The following MIB2 variants were observed in gnomAD, a reference collection of about 807,000 sequenced individuals.
The protein encoded by MIB2 is E3 ubiquitin-protein ligase MIB2.
In MIB2, 78 loss-of-function variants were observed where a neutral mutation model predicts 96.6. That is an observed-to-expected ratio of 0.81 (90% CI 0.67 to 0.97). The LOEUF (loss-of-function observed/expected upper bound fraction) is 0.97, where lower values mean the gene tolerates loss of function less well. Ranked by LOEUF, MIB2 falls within the 50% of genes least tolerant of loss-of-function variation. The pLI, the probability that MIB2 is intolerant of heterozygous loss-of-function variation, is 0.00. For missense variants in MIB2, 1,543 were observed against 1,424.0 expected (o/e 1.08, Z -1.35); for synonymous variants, 820 against 629.5 (o/e 1.30, Z -4.53).
rs1247084633 is a variant in MIB2, at chr1:1,615,568, G to C, written c.-195G>C. ...CCCGGTGGCCCAGGAGGGCCTGGGAGCCCGAAGCCGTCCCCGAGTCGCTCC... is the reference window on the plus strand; with the variant it reads ...CCCGGTGGCCCAGGAGGGCCTGGGACCCCGAAGCCGTCCCCGAGTCGCTCC... On this transcript the variant is annotated 5_prime_UTR_variant, in exon 1 of 20. Coordinates refer to ENST00000355826, the MANE Select transcript of MIB2 (RefSeq NM_001170687.4). 1 of 1,540,010 alleles carries C rather than the reference G, an allele frequency of 6.5e-7. No homozygotes were observed.
intron 12 of MIB2, 33 bp from the exon 13 acceptor site, chr1:1,627,640 G>A (rs1644930025): frequency 6.4e-7 from 1 of 1,574,368 alleles, no homozygotes; most frequent in Non-Finnish European, 8.6e-7. Flanking sequence ...ACCGGGCCCG[G>A]CGCCCTCCCT....
chr1:1,629,724 C>A lies in MIB2; in HGVS notation c.2629+20C>A, dbSNP rs770612075. ...GCCCAGGTGGGTGAGGCTCTGCGCC[C>A]CCAACACGCCTCCTGCTCAGCTGGT... is the stretch of plus-strand genomic sequence containing the variant. On this transcript the variant is annotated intron_variant, in intron 19 of 19. Transcript: ENST00000355826. 1 of 1,567,622 alleles carries A rather than the reference C, an allele frequency of 6.4e-7. No individual in the cohort carries two copies. The highest frequency in any genetic ancestry group is 1.2e-5 in the South Asian group (1 of 84,132).
In MIB2 at chr1:1,629,546, A is replaced by G. The variant is rs1342094314; in HGVS notation, c.2543A>G (p.Gln848Arg). The G allele has an allele frequency of 6.4e-7, 1 of 1,551,526 alleles. No homozygotes were observed. Among genetic ancestry groups the G allele is most frequent in the Non-Finnish European group, 8.7e-7 (1 of 1,152,030 alleles). Reference sequence around the variant, plus strand: ...CTGCTGGTGCTGTTCTCGCCGTGCCAGCACCGCACCGTGTGTGAGGGTGAG... The same window carrying G: ...CTGCTGGTGCTGTTCTCGCCGTGCCGGCACCGCACCGTGTGTGAGGGTGAG... ...LALLVLFSPC[Q>R]HRTVCEECAR... Residue 848 changes from glutamine to arginine, a missense_variant, in exon 18 of 20, where the codon CAG becomes CGG. Gln to Arg is a conservative substitution (Grantham distance 43, BLOSUM62 1). Coordinates refer to ENST00000355826, the MANE Select transcript of MIB2 (RefSeq NM_001170687.4).
Position 1,627,844 on chromosome 1 carries a change from C to T in MIB2, c.1680+15C>T. Reference sequence around the variant, plus strand: ...TCAACCTGCCCGTGAGTGCTGCTCCCTGGCCTGGGTGCCCCCTGCCCGTGA... The same window carrying T: ...TCAACCTGCCCGTGAGTGCTGCTCCTTGGCCTGGGTGCCCCCTGCCCGTGA... On this transcript the variant is annotated intron_variant, in intron 13 of 19. Coordinates refer to ENST00000355826, the MANE Select transcript of MIB2 (RefSeq NM_001170687.4). 1 of 1,591,372 alleles carries T rather than the reference C, an allele frequency of 6.3e-7. No individual in the cohort carries two copies. Among genetic ancestry groups the T allele is most frequent in the African/African-American group, 1.4e-5 (1 of 69,626 alleles).
At position 1,628,698 on chromosome 1, in the gene MIB2, A is replaced by G; in HGVS notation, c.2178A>G (p.Pro726=). 1 of 1,559,218 alleles carries G rather than the reference A, an allele frequency of 6.4e-7. No homozygotes were observed. Among genetic ancestry groups the G allele is most frequent in the Non-Finnish European group, 8.7e-7 (1 of 1,153,090 alleles). The change falls in exon 16 of 20, where the codon CCA becomes CCG. Residue 726 remains proline (P), a synonymous_variant. Coordinates refer to ENST00000355826, the MANE Select transcript of MIB2 (RefSeq NM_001170687.4). ...TGGCTGATGGGGCCGGGGGGGACCC[A>G]GGGCCCTTGCAGCTGCTGTCCAGGG... ...PLVADGAGGD[P]GPLQLLSRLQ...
chr1:1,628,657 C>T lies in MIB2; in HGVS notation c.2137C>T (p.Gln713Ter). 3 of 1,589,048 alleles carry T rather than the reference C, an allele frequency of 1.9e-6. No individual in the cohort carries two copies. The highest frequency in any genetic ancestry group is 2.6e-6 in the Non-Finnish European group (3 of 1,170,752). ...CCTGCACGTGGCGCTGCAGCGTCATCAGCTGCTGCCCCTGGTGGCTGATGG... is the reference window on the plus strand; with the variant it reads ...CCTGCACGTGGCGCTGCAGCGTCATTAGCTGCTGCCCCTGGTGGCTGATGG... ...TALHVALQRHQLLPLVADGAG... is the reference protein window; with the variant it reads ...TALHVALQRH Residue 713 changes from glutamine (Q) to a stop codon, truncating the protein, a stop_gained, in exon 16 of 20, where the codon CAG becomes TAG. Transcript: ENST00000355826. LOFTEE classifies it high-confidence loss of function.
chr1:1,630,470 G>C lies in MIB2; in HGVS notation c.2808G>C (p.Ala936=), dbSNP rs371096916. Residue 936 remains alanine, a synonymous_variant, in exon 20 of 20, where the codon GCG becomes GCC. Coordinates refer to ENST00000355826, the MANE Select transcript of MIB2 (RefSeq NM_001170687.4). ...GHGACAPCGS[A]LSACPICRQP... is the part of the protein sequence containing the mutation. Reference sequence around the variant, plus strand: ...GCGCATGCGCCCCCTGCGGCTCCGCGCTCAGCGCCTGCCCCATCTGCCGCC... The same window carrying C: ...GCGCATGCGCCCCCTGCGGCTCCGCCCTCAGCGCCTGCCCCATCTGCCGCC... The C allele has an allele frequency of 6.3e-7, 1 of 1,593,800 alleles. No individual in the cohort carries two copies. Among genetic ancestry groups the C allele is most frequent in the Admixed American group, 1.7e-5 (1 of 58,780 alleles).
chr1:1,629,595 C>T (rs1362427767), intron 18 of MIB2, 29 bp downstream of exon 18: 2 of 1,564,862 alleles, frequency 1.3e-6, no homozygotes, highest in East Asian at 2.4e-5. Context: ...GGTGGGGAGG[C>T]CCGGCTAGTA....
chr1:1,615,660 C>G, intron 1 of MIB2, 27 bp downstream of exon 1: 1 of 1,561,314 alleles, frequency 6.4e-7, no homozygotes, highest in South Asian at 1.2e-5. Flanking sequence ...ATCTCCTCCC[C>G]TGGTCCTCCG....
chr1:1,616,383 C>T (rs1643681690), intron 1 of MIB2, 125 bp from the exon 2 acceptor site: 18 of 707,134 alleles, frequency 2.5e-5, no homozygotes, highest in South Asian at 6.5e-5. Context: ...AGGCGGCGGC[C>T]CTGAGTGTCG....
chr1:1,626,977 C>T lies in MIB2; in HGVS notation c.1218C>T (p.Ala406=), dbSNP rs374415093. Reference sequence around the variant, plus strand: ...AGGAGGATGCCAACCTGGACGTGGCCGAGCGCGCCCGGGAGAACAAAAGTG... The same window carrying T: ...AGGAGGATGCCAACCTGGACGTGGCTGAGCGCGCCCGGGAGAACAAAAGTG... The part of the protein sequence containing the change: ...RPEEDANLDV[A]ERARENKSSL... Residue 406 remains alanine (A), a synonymous_variant, in exon 10 of 20, where the codon GCC becomes GCT. Transcript: ENST00000355826. The surrounding 1 kb of genome is among the most constrained non-coding windows in gnomAD (Gnocchi z 5.3). 7.8e-4 allele frequency: 1,261 copies of T among 1,611,368 alleles called. 2 individuals are homozygous for T. The highest frequency in any genetic ancestry group is 9.3e-4 in the Non-Finnish European group (1,097 of 1,179,406).
intron 1 of MIB2, chr1:1,616,256 G>A (rs1420065005): frequency 4.9e-6 from 2 of 405,904 alleles, no homozygotes; most frequent in African/African-American, 2.1e-5. Flanking sequence ...GCGCCCGTGC[G>A]CGTCCCGGAG....
chr1:1,630,552 G>C lies in MIB2; in HGVS notation c.*22G>C, dbSNP rs761808678. 12 of 1,529,298 alleles carry C rather than the reference G, an allele frequency of 7.8e-6. No individual in the cohort carries two copies. Among genetic ancestry groups the C allele is most frequent in the Non-Finnish European group, 1.1e-5 (12 of 1,142,564 alleles). 94.7% of individuals were successfully genotyped at this position (1,529,298 alleles called of 1,614,324 possible). A position where few individuals can be genotyped will look rare whatever the true frequency, so the allele number is the denominator to read the frequency against. On this transcript the variant is annotated 3_prime_UTR_variant, in exon 20 of 20. Transcript: ENST00000355826. ...GTGAGCCGCGCCGTCCGCCGCGCCCGAGCTGCCTTCGCGTGCCCCCGCCCT... is the reference window on the plus strand; with the variant it reads ...GTGAGCCGCGCCGTCCGCCGCGCCCCAGCTGCCTTCGCGTGCCCCCGCCCT...
upstream of MIB2, chr1:1,615,081 A>G: frequency 4.1e-6 from 1 of 244,170 alleles, no homozygotes; most frequent in Non-Finnish European, 7.9e-6. Context: ...AAACGCGGAG[A>G]CTTCTCTCAG....
rs1288334900 is a variant in MIB2 at position 1,629,159 on chromosome 1, C to T, written c.2229C>T (p.Ser743=). 6.7e-7 allele frequency: 1 copy of T among 1,501,492 alleles called. No homozygotes were observed. The highest frequency in any genetic ancestry group is 8.8e-7 in the Non-Finnish European group (1 of 1,133,568). 93.0% of individuals were successfully genotyped at this position (1,501,492 alleles called of 1,614,324 possible). ...SRLQASGLPG[S]AELTVGAAVA... ...TACAGGCCTCGGGCCTCCCCGGCAG[C>T]GCGGAGCTGACGGTGGGCGCGGCGG... is the stretch of plus-strand genomic sequence containing the variant. The change falls in exon 17 of 20, where the codon AGC becomes AGT. Residue 743 remains serine (S), a synonymous_variant. Coordinates refer to ENST00000355826, the MANE Select transcript of MIB2 (RefSeq NM_001170687.4).
chr1:1,627,649 C>T (rs1248280356), intron 12 of MIB2, 24 bp from the exon 13 acceptor site: 3 of 1,584,506 alleles, frequency 1.9e-6, no homozygotes, highest in Non-Finnish European at 1.7e-6. Context: ...GGCGCCCTCC[C>T]TCTCCCACTT....
Position 1,626,964 on chromosome 1 carries a change from A to G in MIB2, c.1205A>G (p.Asn402Ser). 1 of 1,611,670 alleles carries G rather than the reference A, an allele frequency of 6.2e-7. No individual in the cohort carries two copies. Among genetic ancestry groups the G allele is most frequent in the Non-Finnish European group, 8.5e-7 (1 of 1,179,606 alleles). ...GCCTACCGGCCCGAGGAGGATGCCAACCTGGACGTGGCCGAGCGCGCCCGG... is the reference window on the plus strand; with the variant it reads ...GCCTACCGGCCCGAGGAGGATGCCAGCCTGGACGTGGCCGAGCGCGCCCGG... Reference protein sequence around the residue: ...LVAYRPEEDANLDVAERAREN... With the variant: ...LVAYRPEEDASLDVAERAREN... Residue 402 changes from asparagine (N) to serine (S), a missense_variant, in exon 10 of 20, where the codon AAC (asparagine) becomes AGC (serine). By Grantham distance (46) the Asn-to-Ser change is conservative. Transcript: ENST00000355826. The surrounding 1 kb of genome is among the most constrained non-coding windows in gnomAD (Gnocchi z 5.3).
In MIB2 at chr1:1,625,212, C is replaced by T. The variant is rs1270766469; in HGVS notation, c.721+27C>T. 1.2e-6 allele frequency: 2 copies of T among 1,603,054 alleles called. No homozygotes were observed. The highest frequency in any genetic ancestry group is 1.1e-5 in the South Asian group (1 of 90,632). On this transcript the variant is annotated intron_variant, in intron 6 of 19. Coordinates refer to ENST00000355826, the MANE Select transcript of MIB2 (RefSeq NM_001170687.4). This position sits in a 1 kb window ranked among gnomAD's most constrained non-coding sequence, Gnocchi z 5.0. ...TATGAGGCTGTCACACTGACTCCAT[C>T]AGCCCTCCTGCCTTGGCTGAAGTCC...
rs2100554684 is a variant in MIB2, at chr1:1,628,505, A to T, written c.1985A>T (p.Asn662Ile). 6.2e-7 allele frequency: 1 copy of T among 1,600,288 alleles called. No homozygotes were observed. Among genetic ancestry groups the T allele is most frequent in the Non-Finnish European group, 8.5e-7 (1 of 1,178,010 alleles). The change falls in exon 16 of 20, where the codon AAC becomes ATC. Residue 662 changes from asparagine to isoleucine, a missense_variant. By Grantham distance (149) the Asn-to-Ile change is moderately radical. Coordinates refer to ENST00000355826, the MANE Select transcript of MIB2 (RefSeq NM_001170687.4). ...ILIREGRCDV[N>I]VRNRKLQSPL... Reference sequence around the variant, plus strand: ...CCTCCCCAGGGCCGCTGTGACGTGAACGTGCGCAACCGGAAGCTGCAGTCC... The same window carrying T: ...CCTCCCCAGGGCCGCTGTGACGTGATCGTGCGCAACCGGAAGCTGCAGTCC...
Sources: gnomAD v4.1 joint callset for allele counts on GRCh38, gnomAD v4.1.1 for gene constraint, Gnocchi (gnomAD v3.1) non-coding constraint, MANE v1.5 for transcripts, NCBI Gene and HGNC (gene_info 2026-07-23, HGNC 2026-07-21) for gene names.